The following NELL1 variants were observed in gnomAD, a reference collection of about 807,000 sequenced individuals.
The protein encoded by NELL1 is neural EGFL like 1, also known as protein kinase C-binding protein NELL1.
NELL1 carries 76 observed loss-of-function variants against 107.4 expected under a neutral mutation model. The observed-to-expected ratio is 0.71, with a 90% CI of 0.59 to 0.86. The LOEUF is 0.86. Ranked by LOEUF, NELL1 falls within the 40% of genes least tolerant of loss-of-function variation. The pLI is 0.00. For missense variants in NELL1, 1,024 were observed against 1,005.5 expected, an observed-to-expected ratio of 1.02 and a Z score of -0.25; for synonymous variants, 353 against 341.2, an observed-to-expected ratio of 1.03 and a Z score of -0.38.
At chr11:21,352,220 C>T (rs1487855382) in intron 14 of NELL1, among the ~76,000 whole-genome samples, 1 of 152,078 alleles carries the variant, frequency 6.6e-6, no homozygotes, top group African/African-American at 2.4e-5. Flanking sequence ...ATCTCCTTTA[C>T]CCTGCTTTAG....
intron 13 of NELL1, among the ~76,000 whole-genome samples, chr11:21,139,881 A>T (rs1008244374): frequency 2.0e-5 from 3 of 152,198 alleles, no homozygotes; most frequent in South Asian, 2.1e-4. Flanking sequence ...CAAGGATGTC[A>T]TCAAGGACCT....
In NELL1 at chr11:21,092,031, A is replaced by C. The variant is rs193116879; in HGVS notation, c.1301-21558A>C. ...TGCTCAAGGAACAGGTGAGTAGAGC[A>C]TCCCAGATGGAAGGAACAGGATGAG... On this transcript the variant is annotated intron_variant, in intron 12 of 19. Coordinates refer to ENST00000357134, the MANE Select transcript of NELL1 (RefSeq NM_006157.5). 1.8e-3 allele frequency among the ~76,000 whole-genome samples: 279 copies of C among 152,328 alleles called. 2 individuals are homozygous for C. Among genetic ancestry groups the C allele is most frequent in the African/African-American group, 6.4e-3 (268 of 41,584 alleles).
At chr11:20,853,824 C>G (rs570533230) in intron 4 of NELL1, among the ~76,000 whole-genome samples, 15 of 152,262 alleles carry the variant, frequency 9.9e-5, no homozygotes, top group Admixed American at 3.9e-4. Flanking sequence ...TTTGAGTTCT[C>G]TGGTCTGTAG....
intron 12 of NELL1, among the ~76,000 whole-genome samples, chr11:21,036,547 A>G (rs569749279): frequency 2.0e-5 from 3 of 152,004 alleles, no homozygotes; most frequent in African/African-American, 7.2e-5. Flanking sequence ...CATATTCTCT[A>G]TTTTCTCTTC....
chr11:20,987,754 AT>A (rs916122538), intron 12 of NELL1, among the ~76,000 whole-genome samples: 3 of 151,968 alleles, frequency 2.0e-5, no homozygotes, highest in Admixed American at 6.6e-5. Flanking sequence ...GTTGTACCTC[AT>A]TTTTTTTCTA....
chr11:21,540,501 A>T (rs1856264625), intron 16 of NELL1, among the ~76,000 whole-genome samples: 1 of 152,014 alleles, frequency 6.6e-6, no homozygotes, highest in African/African-American at 2.4e-5. Flanking sequence ...ACTTCCTGAG[A>T]CTGGGTAATT....
intron 5 of NELL1, among the ~76,000 whole-genome samples, chr11:20,901,800 T>C (rs545101969): frequency 1.3e-4 from 20 of 152,202 alleles, no homozygotes; most frequent in African/African-American, 4.8e-4. Context: ...TCGTCATGTG[T>C]GGAAACTTGG....
chr11:21,351,888 C>G (rs1850825175), intron 14 of NELL1, among the ~76,000 whole-genome samples: 1 of 152,152 alleles, frequency 6.6e-6, no homozygotes, highest in Admixed American at 6.6e-5. Flanking sequence ...TCCAATGCTT[C>G]TTAATTGCGT....
intron 15 of NELL1, among the ~76,000 whole-genome samples, chr11:21,447,764 C>A (rs1853470754): frequency 6.6e-6 from 1 of 151,992 alleles, no homozygotes; most frequent in African/African-American, 2.4e-5. Flanking sequence ...GGTTGCATAC[C>A]CCCCAAGTCC....
At chr11:20,953,732 G>T (rs1289029040) in intron 11 of NELL1, among the ~76,000 whole-genome samples, 2 of 151,968 alleles carry the variant, frequency 1.3e-5, no homozygotes, top group Non-Finnish European at 2.9e-5. Flanking sequence ...GTAAGCATTT[G>T]GAACTCTTAT....
At chr11:21,465,543 G>A (rs567041424) in intron 15 of NELL1, among the ~76,000 whole-genome samples, 1 of 151,954 alleles carries the variant, frequency 6.6e-6, no homozygotes, top group African/African-American at 2.4e-5. Context: ...GCAACACATG[G>A]CATATCAATC....
At chr11:20,981,116 A>T (rs1157651681) in intron 12 of NELL1, among the ~76,000 whole-genome samples, 1 of 152,228 alleles carries the variant, frequency 6.6e-6, no homozygotes, top group East Asian at 1.9e-4. Context: ...TATCACAGCT[A>T]AACTGTGACA....
intron 12 of NELL1, among the ~76,000 whole-genome samples, chr11:21,004,821 A>G (rs1852296086): frequency 6.6e-6 from 1 of 152,114 alleles, no homozygotes. Flanking sequence ...GCAATTTGTA[A>G]GACATATATT....
intron 13 of NELL1, among the ~76,000 whole-genome samples, chr11:21,199,677 TG>T (rs1230045311): frequency 2.6e-5 from 4 of 152,144 alleles, no homozygotes; most frequent in Non-Finnish European, 5.9e-5. Flanking sequence ...CTTCAAGTGT[TG>T]GGGTACATGT....
intron 2 of NELL1, among the ~76,000 whole-genome samples, chr11:20,762,125 G>T (rs898540658): frequency 3.9e-5 from 6 of 152,178 alleles, no homozygotes; most frequent in African/African-American, 1.4e-4. Context: ...TTTCAAGCCA[G>T]GTTCATATGG....
At position 20,669,945 on chromosome 11, in the gene NELL1, T is replaced by C. The variant is rs925307924; in HGVS notation, c.55+167T>C. The stretch of plus-strand genomic sequence containing the variant: ...CCTGCTCGGAGTGACAGGGTGAAAA[T>C]AGGGACTCACGGGCTTGAAGATGTC... On this transcript the variant is annotated intron_variant, in intron 1 of 19. Coordinates refer to ENST00000357134, the MANE Select transcript of NELL1 (RefSeq NM_006157.5). This position sits in a 1 kb window ranked among gnomAD's most constrained non-coding sequence, Gnocchi z 4.4. Among the ~76,000 whole-genome samples the C allele has an allele frequency of 1.3e-5, 2 of 152,012 alleles. No individual in the cohort carries two copies. The highest frequency in any genetic ancestry group is 6.5e-5 in the Admixed American group (1 of 15,280).
intron 14 of NELL1, among the ~76,000 whole-genome samples, chr11:21,255,798 T>G (rs1181185147): frequency 6.6e-6 from 1 of 152,030 alleles, no homozygotes; most frequent in African/African-American, 2.4e-5. Flanking sequence ...CAGATTCACT[T>G]TTTACTCTTC....
At chr11:21,038,064 T>G (rs10833433) in intron 12 of NELL1, among the ~76,000 whole-genome samples, 40,636 of 152,018 alleles carry the variant, frequency 0.27, 7,533 homozygotes, top group African/African-American at 0.53. Flanking sequence ...CATGATACTA[T>G]GTATTGGCAA....
At chr11:20,895,203 C>T (rs1217383363) in intron 5 of NELL1, among the ~76,000 whole-genome samples, 4 of 112,994 alleles carry the variant, frequency 3.5e-5, no homozygotes, top group South Asian at 3.4e-4. Flanking sequence ...ACCCGGGAGG[C>T]GGAGCTTGCA....
Sources: gnomAD v4.1 joint callset for allele counts (sites outside exome capture counted in the v4.1 genomes callset) on GRCh38, gnomAD v4.1.1 for gene constraint, Gnocchi (gnomAD v3.1) non-coding constraint, MANE v1.5 for transcripts, NCBI Gene and HGNC (gene_info 2026-07-23, HGNC 2026-07-21) for gene names.